CDH13: variants seen among roughly 807,000 people sequenced by gnomAD.
CDH13 encodes cadherin 13, also known as cadherin-13.
In CDH13, 24 loss-of-function variants were observed where a neutral mutation model predicts 63.8. The observed-to-expected ratio is 0.38, with a 90% CI of 0.27 to 0.53. CDH13 has a LOEUF of 0.53. CDH13 is among the 20% of genes least tolerant of loss of function. The pLI, the probability that CDH13 is intolerant of heterozygous loss-of-function variation, is 0.85. For synonymous variants in CDH13, 503 were observed against 355.3 expected (o/e 1.42, Z -4.67); for missense variants, 1,049 against 903.1 (o/e 1.16, Z -2.07).
chr16:83,516,320 A>G (rs536936588), intron 7 of CDH13, among the ~76,000 whole-genome samples: 4 of 152,338 alleles, frequency 2.6e-5, no homozygotes, highest in African/African-American at 9.6e-5. Flanking sequence ...GGGGCACCCT[A>G]TAATTTTGAG....
chr16:82,883,709 C>T (rs567266557), intron 2 of CDH13, among the ~76,000 whole-genome samples: 1 of 152,292 alleles, frequency 6.6e-6, no homozygotes, highest in Admixed American at 6.5e-5. Context: ...TGAGCTCGTG[C>T]CCAGAATGGA....
At chr16:83,381,174 T>A (rs2091559933) in intron 6 of CDH13, among the ~76,000 whole-genome samples, 1 of 152,200 alleles carries the variant, frequency 6.6e-6, no homozygotes, top group Non-Finnish European at 1.5e-5. Flanking sequence ...AGTTGCTTGC[T>A]TTTTTCACAT....
chr16:82,662,897 C>G (rs1037363948), intron 1 of CDH13, among the ~76,000 whole-genome samples: 18 of 152,110 alleles, frequency 1.2e-4, no homozygotes, highest in African/African-American at 4.3e-4. Context: ...TGTCTGGTAC[C>G]CTTACCCACT....
At chr16:83,207,482 T>C (rs1033969213) in intron 4 of CDH13, among the ~76,000 whole-genome samples, 4 of 152,232 alleles carry the variant, frequency 2.6e-5, no homozygotes, top group Non-Finnish European at 5.9e-5. Context: ...AATCTTTACA[T>C]ATGTACACAT....
At chr16:83,290,512 C>A (rs2089440646) in intron 5 of CDH13, among the ~76,000 whole-genome samples, 1 of 152,158 alleles carries the variant, frequency 6.6e-6, no homozygotes, top group South Asian at 2.1e-4. Context: ...TTTGCCCCTC[C>A]TTTGCCTTCC....
chr16:83,620,346 G>C (rs1299495863), intron 8 of CDH13, among the ~76,000 whole-genome samples: 1 of 138,424 alleles, frequency 7.2e-6, no homozygotes, highest in Non-Finnish European at 1.5e-5. Context: ...AGCCGAGATC[G>C]CACCACTGCA....
intron 1 of CDH13, among the ~76,000 whole-genome samples, chr16:82,657,581 T>A (rs1339438410): frequency 6.6e-6 from 1 of 152,230 alleles, no homozygotes; most frequent in Admixed American, 6.5e-5. Flanking sequence ...CACAGTTGAG[T>A]AAAACTGTAG....
intron 3 of CDH13, among the ~76,000 whole-genome samples, chr16:83,064,092 C>T (rs1405506543): frequency 6.6e-6 from 1 of 151,990 alleles, no homozygotes; most frequent in Non-Finnish European, 1.5e-5. Flanking sequence ...AGATGAGGGC[C>T]AGGTGCGGTG....
intron 6 of CDH13, among the ~76,000 whole-genome samples, chr16:83,411,411 C>T (rs987440525): frequency 6.6e-6 from 1 of 152,170 alleles, no homozygotes; most frequent in African/African-American, 2.4e-5. Context: ...TTGTTGGCTT[C>T]TTCATTGCTA....
chr16:83,034,631 C>A (rs1217620496), intron 3 of CDH13, among the ~76,000 whole-genome samples: 1 of 152,158 alleles, frequency 6.6e-6, no homozygotes, highest in Non-Finnish European at 1.5e-5. Context: ...TGCCCATGGG[C>A]TTGAATGCAT....
chr16:83,526,271 C>T (rs1328398256), intron 7 of CDH13, among the ~76,000 whole-genome samples: 1 of 152,102 alleles, frequency 6.6e-6, no homozygotes, highest in Non-Finnish European at 1.5e-5. Flanking sequence ...CTGAAAAGTG[C>T]CAGCTCTCAA....
chr16:83,343,833 T>C (rs531454162), intron 5 of CDH13, among the ~76,000 whole-genome samples: 1 of 152,350 alleles, frequency 6.6e-6, no homozygotes, highest in African/African-American at 2.4e-5. Context: ...CTCTTTGCTT[T>C]CATTCTCTCC....
In CDH13 at chr16:83,676,752, T is replaced by C. The variant is rs143172649; in HGVS notation, c.1285-1456T>C. 4.6e-3 allele frequency among the ~76,000 whole-genome samples: 707 copies of C among 152,306 alleles called. 20 individuals are homozygous for C. The highest frequency in any genetic ancestry group is 0.04 in the Admixed American group (609 of 15,298). ...AACCAGGAAGCATCTCCAGTGTGTG[T>C]ATGTGGGCACACACTCTCCCATGTG... On this transcript the variant is annotated intron_variant, in intron 9 of 13. Transcript: ENST00000567109.
chr16:83,379,711 T>C (rs903248834), intron 6 of CDH13, among the ~76,000 whole-genome samples: 2 of 152,126 alleles, frequency 1.3e-5, no homozygotes, highest in Non-Finnish European at 2.9e-5. Flanking sequence ...GACACACAGT[T>C]GTTCATTACT....
At chr16:82,991,720 A>G (rs1275481199) in intron 2 of CDH13, among the ~76,000 whole-genome samples, 1 of 152,236 alleles carries the variant, frequency 6.6e-6, no homozygotes, top group Non-Finnish European at 1.5e-5. Flanking sequence ...TGAAACTCAA[A>G]GGACTCCTGA....
In CDH13 at chr16:83,222,248, A is replaced by T. The variant is rs149513405; in HGVS notation, c.636+4751A>T. ...CTTTTTTGAGCCAATTTCTTGGTCA[A>T]GTTTTGAATTTGTGGTCAAGAATGT... On this transcript the variant is annotated intron_variant, in intron 5 of 13. Transcript: ENST00000567109. Among the ~76,000 whole-genome samples the T allele has an allele frequency of 9.2e-5, 14 of 152,326 alleles. No homozygotes were observed. The East Asian group carries it at 2.7e-3, about 29-fold the overall frequency.
chr16:82,683,839 T>A (rs1275472979), intron 1 of CDH13, among the ~76,000 whole-genome samples: 1 of 152,256 alleles, frequency 6.6e-6, no homozygotes. Flanking sequence ...ATGGTAGACA[T>A]TATATTACAT....
At chr16:83,370,281 G>A (rs977341643) in intron 6 of CDH13, among the ~76,000 whole-genome samples, 3 of 151,752 alleles carry the variant, frequency 2.0e-5, no homozygotes, top group Admixed American at 6.6e-5. Context: ...GCAGCTACTC[G>A]GGAGGCTGAG....
At chr16:83,168,465 A>C (rs1036992212) in intron 4 of CDH13, among the ~76,000 whole-genome samples, 1 of 152,058 alleles carries the variant, frequency 6.6e-6, no homozygotes, top group African/African-American at 2.4e-5. Flanking sequence ...CCAAATGCTA[A>C]TAGTAGCTAT....
Sources: allele counts gnomAD v4.1 joint callset (sites outside exome capture counted in the v4.1 genomes callset), GRCh38; gene constraint gnomAD v4.1.1; transcripts MANE v1.5; gene names NCBI Gene and HGNC (gene_info 2026-07-23, HGNC 2026-07-21).